BCL2L13: variants seen among roughly 807,000 people sequenced by gnomAD.
The protein encoded by BCL2L13 is BCL2 like 13.
Under a neutral mutation model 25.8 loss-of-function variants are expected in BCL2L13, and 13 were observed. The ratio of observed to expected loss-of-function variants is 0.50; its 90% CI spans 0.33 to 0.80. The LOEUF (loss-of-function observed/expected upper bound fraction) is 0.80, where lower values mean the gene tolerates loss of function less well. Ranked by LOEUF, BCL2L13 falls within the 30% of genes least tolerant of loss-of-function variation. BCL2L13 has a pLI of 0.02. For missense variants in BCL2L13, 504 were observed against 574.9 expected (o/e 0.88, Z 1.26); for synonymous variants, 244 against 230.3 (o/e 1.06, Z -0.54).
chr22:17,668,200 T>TG (rs1568949366), intron 2 of BCL2L13, among the ~76,000 whole-genome samples: 1 of 150,914 alleles, frequency 6.6e-6, no homozygotes, highest in Non-Finnish European at 1.5e-5. Context: ...TTAGTAGAGA[T>TG]GGGGGTCTCA....
chr22:17,647,537 C>T (rs1023930885), intron 1 of BCL2L13, among the ~76,000 whole-genome samples: 4 of 152,192 alleles, frequency 2.6e-5, no homozygotes, highest in Admixed American at 1.3e-4. Flanking sequence ...CGTATCCTTC[C>T]GTATTACTAG....
intron 2 of BCL2L13, among the ~76,000 whole-genome samples, chr22:17,676,441 T>C (rs2059578632): frequency 6.6e-6 from 1 of 152,090 alleles, no homozygotes; most frequent in South Asian, 2.1e-4. Flanking sequence ...CCAGCCTGGG[T>C]GACAGAGCGA....
chr22:17,676,305 CA>C (rs11343596), intron 2 of BCL2L13, among the ~76,000 whole-genome samples: 129,061 of 151,560 alleles, frequency 0.85, 55,054 homozygotes, highest in East Asian at 0.94. Context: ...CTACTAAAAA[CA>C]AAAAAAAATA....
chr22:17,665,688 T>C (rs2587103), intron 2 of BCL2L13, among the ~76,000 whole-genome samples: 129,426 of 152,180 alleles, frequency 0.85, 55,166 homozygotes, highest in East Asian at 0.94. Flanking sequence ...GCATAAATAA[T>C]CTTCCTATCA....
At chr22:17,662,643 C>A (rs2146557315) in intron 2 of BCL2L13, among the ~76,000 whole-genome samples, 1 of 151,970 alleles carries the variant, frequency 6.6e-6, no homozygotes, top group South Asian at 2.1e-4. Flanking sequence ...ATGGCGAAAC[C>A]CCGCCTCTAC....
chr22:17,701,979 CTA>C (rs1377344722), intron 5 of BCL2L13, among the ~76,000 whole-genome samples: 3 of 151,240 alleles, frequency 2.0e-5, no homozygotes, highest in African/African-American at 4.9e-5. Context: ...GAATTTCCTT[CTA>C]TATATGTTAT....
chr22:17,647,944 C>G (rs549816976), intron 1 of BCL2L13, among the ~76,000 whole-genome samples: 1 of 151,978 alleles, frequency 6.6e-6, no homozygotes, highest in South Asian at 2.1e-4. Context: ...CTGGCTAACA[C>G]GGTGAAACCC....
chr22:17,638,653 G>GCCT, upstream of BCL2L13: 1 of 1,229,442 alleles, frequency 8.1e-7, no homozygotes, highest in Non-Finnish European at 1.0e-6. Context: ...GACCTCCGGG[G>GCCT]CCTCCGTTGG....
At position 17,701,018 on chromosome 22, in the gene BCL2L13, A is replaced by G. The variant is rs149129932; in HGVS notation, c.457-1225A>G. ...TTCCTTTTGCATTCCTTTTGCAGGCATATGGACCTCTTGATGTTTTAAACA... is the reference window on the plus strand; with the variant it reads ...TTCCTTTTGCATTCCTTTTGCAGGCGTATGGACCTCTTGATGTTTTAAACA... On this transcript the variant is annotated intron_variant, in intron 5 of 6. Transcript: ENST00000317582. 8.7e-4 allele frequency among the ~76,000 whole-genome samples: 133 copies of G among 152,316 alleles called. 1 individual carries two copies. The East Asian group carries it at 0.022, about 25-fold the overall frequency.
At chr22:17,683,369 A>G (rs1188939347) in intron 3 of BCL2L13, 48 bp downstream of exon 3, 3 of 1,122,762 alleles carry the variant, frequency 2.7e-6, no homozygotes, top group East Asian at 2.5e-5. Flanking sequence ...TGTGTTTGTT[A>G]TGGTTTACTG....
intron 1 of BCL2L13, among the ~76,000 whole-genome samples, chr22:17,639,612 C>G (rs776547625): frequency 6.6e-6 from 1 of 152,178 alleles, no homozygotes; most frequent in Non-Finnish European, 1.5e-5. Flanking sequence ...TTAGCCACTC[C>G]CTGCACAAGT....
intron 4 of BCL2L13, among the ~76,000 whole-genome samples, chr22:17,689,768 G>A (rs5747330): frequency 0.52 from 77,841 of 149,906 alleles, 20,856 homozygotes; most frequent in East Asian, 0.84. Flanking sequence ...ACTTGAACCC[G>A]GGAGGCAGAG....
chr22:17,651,016 C>T (rs1188115996), intron 1 of BCL2L13, among the ~76,000 whole-genome samples: 31 of 98,006 alleles, frequency 3.2e-4, no homozygotes, highest in African/African-American at 9.0e-4. Context: ...TTTTTTGAGA[C>T]GGAGTCTTGC....
At chr22:17,706,618 T>A in intron 6 of BCL2L13, 2 of 1,208,082 alleles carry the variant, frequency 1.7e-6, no homozygotes, top group Non-Finnish European at 2.1e-6. Context: ...TTCCCTCTCC[T>A]TAAGTCTGAT....
At chr22:17,676,621 A>C (rs187569196) in intron 2 of BCL2L13, among the ~76,000 whole-genome samples, 14 of 152,300 alleles carry the variant, frequency 9.2e-5, no homozygotes, top group Middle Eastern at 3.4e-3. Flanking sequence ...AAGAAATAGC[A>C]TGGGCCGTGA....
rs557202070 is a variant in BCL2L13 at position 17,712,242 on chromosome 22, C to T, written c.600+9856C>T. On this transcript the variant is annotated intron_variant, in intron 6 of 6. Coordinates refer to ENST00000317582, the MANE Select transcript of BCL2L13 (RefSeq NM_015367.4). ...CTTTCCCAACTTGTTCTTCATTTAA[C>T]AAAAAGACTTAGCCTAGTTTTAAAA... Among the ~76,000 whole-genome samples, 17 of 152,060 alleles carry T rather than the reference C, an allele frequency of 1.1e-4. 1 individual carries two copies. Among genetic ancestry groups the T allele is most frequent in the Non-Finnish European group, 2.1e-4 (14 of 67,998 alleles).
At chr22:17,672,116 AC>A (rs1344389268) in intron 2 of BCL2L13, among the ~76,000 whole-genome samples, 2 of 152,142 alleles carry the variant, frequency 1.3e-5, no homozygotes, top group African/African-American at 4.8e-5. Flanking sequence ...TGTTCAATGG[AC>A]CTTTTTGATT....
At chr22:17,649,277 A>G (rs1026639908) in intron 1 of BCL2L13, among the ~76,000 whole-genome samples, 4 of 150,958 alleles carry the variant, frequency 2.6e-5, no homozygotes, top group Non-Finnish European at 4.4e-5. Context: ...TTTGTATTTT[A>G]GTAGGGACGG....
At chr22:17,670,932 A>C (rs377411399) in intron 2 of BCL2L13, among the ~76,000 whole-genome samples, 5 of 152,292 alleles carry the variant, frequency 3.3e-5, no homozygotes, top group Middle Eastern at 3.4e-3. Flanking sequence ...TGAAAACTGC[A>C]ATCATGATTG....
Sources: gnomAD v4.1 joint callset for allele counts (sites outside exome capture counted in the v4.1 genomes callset) on GRCh38, gnomAD v4.1.1 for gene constraint, MANE v1.5 for transcripts, NCBI Gene and HGNC (gene_info 2026-07-23, HGNC 2026-07-21) for gene names.